The following MACROD2 variants were observed in gnomAD, a reference collection of about 807,000 sequenced individuals.
The protein encoded by MACROD2 is mono-ADP ribosylhydrolase 2.
MACROD2 carries 36 observed loss-of-function variants against 70.4 expected under a neutral mutation model. That is an observed-to-expected ratio of 0.51 (90% CI 0.39 to 0.68). The LOEUF (loss-of-function observed/expected upper bound fraction) is 0.68, where lower values mean the gene tolerates loss of function less well. MACROD2 is among the 30% of genes least tolerant of loss of function. The pLI is 0.00. For missense variants in MACROD2, 496 were observed against 538.4 expected (o/e 0.92, Z 0.78); for synonymous variants, 172 against 178.8 (o/e 0.96, Z 0.30).
At chr20:15,341,307 T>G (rs1302256950) in intron 6 of MACROD2, among the ~76,000 whole-genome samples, 3 of 152,194 alleles carry the variant, frequency 2.0e-5, no homozygotes, top group African/African-American at 7.2e-5. Context: ...CAGACACCAT[T>G]ATCAATTCAT....
intron 13 of MACROD2, among the ~76,000 whole-genome samples, chr20:15,977,837 C>G (rs1266878749): frequency 6.6e-6 from 1 of 151,986 alleles, no homozygotes; most frequent in African/African-American, 2.4e-5. Context: ...ATTTTAAAAG[C>G]TAAAAAGCAA....
chr20:15,844,874 A>G lies in MACROD2; in HGVS notation c.646-17871A>G, dbSNP rs1393244923. ...GCATGCCAGCTGCATATTTTTTTTT[A>G]TCAGAAATATCATGATGAAGAATAG... On this transcript the variant is annotated intron_variant, in intron 8 of 17. Coordinates refer to ENST00000684519, the MANE Select transcript of MACROD2 (RefSeq NM_001351661.2). 3.3e-5 allele frequency among the ~76,000 whole-genome samples: 5 copies of G among 152,082 alleles called. No individual in the cohort carries two copies. The East Asian group carries it at 9.6e-4, about 29-fold the overall frequency.
chr20:14,418,907 T>C (rs1200834397), intron 3 of MACROD2, among the ~76,000 whole-genome samples: 1 of 152,216 alleles, frequency 6.6e-6, no homozygotes, highest in African/African-American at 2.4e-5. Context: ...TTTGTCTCCA[T>C]GTTTCCAAAA....
intron 5 of MACROD2, among the ~76,000 whole-genome samples, chr20:15,205,800 A>G (rs1381490613): frequency 1.3e-5 from 2 of 152,224 alleles, no homozygotes; most frequent in Non-Finnish European, 2.9e-5. Context: ...AAGATATTTT[A>G]TTGGTTTTAA....
chr20:14,918,752 G>C (rs962464106), intron 5 of MACROD2, among the ~76,000 whole-genome samples: 1 of 151,758 alleles, frequency 6.6e-6, no homozygotes, highest in Admixed American at 6.6e-5. Flanking sequence ...TTCACTGAAG[G>C]TCATACTATT....
intron 8 of MACROD2, among the ~76,000 whole-genome samples, chr20:15,794,505 G>A (rs2063654987): frequency 6.6e-6 from 1 of 152,078 alleles, no homozygotes; most frequent in South Asian, 2.1e-4. Flanking sequence ...GGTTCCCAAG[G>A]GAATGAATTC....
intron 8 of MACROD2, among the ~76,000 whole-genome samples, chr20:15,510,885 G>A (rs536654862): frequency 1.3e-5 from 2 of 152,356 alleles, no homozygotes; most frequent in African/African-American, 4.8e-5. Context: ...CGAAGTCCAT[G>A]ACAGAAAGCC....
intron 4 of MACROD2, among the ~76,000 whole-genome samples, chr20:14,513,806 A>G (rs946299791): frequency 1.3e-5 from 2 of 152,044 alleles, no homozygotes; most frequent in Admixed American, 6.6e-5. Context: ...AATAATCTCT[A>G]TCTCCTTTAA....
intron 3 of MACROD2, among the ~76,000 whole-genome samples, chr20:14,143,497 G>A (rs974341655): frequency 1.3e-5 from 2 of 152,002 alleles, no homozygotes; most frequent in Admixed American, 6.6e-5. Context: ...GTTTAATGTG[G>A]AAATGGTTAC....
At chr20:15,135,421 A>G (rs1451159774) in intron 5 of MACROD2, among the ~76,000 whole-genome samples, 4 of 150,506 alleles carry the variant, frequency 2.7e-5, no homozygotes, top group African/African-American at 9.7e-5. Context: ...TACGCAAATC[A>G]ATAAATGTAA....
intron 5 of MACROD2, among the ~76,000 whole-genome samples, chr20:15,181,196 G>A (rs1005412374): frequency 1.3e-5 from 2 of 152,114 alleles, no homozygotes; most frequent in African/African-American, 2.4e-5. Context: ...TTCGATTCAC[G>A]TTTGGCGGTG....
At chr20:15,393,477 T>G (rs1192729994) in intron 6 of MACROD2, among the ~76,000 whole-genome samples, 2 of 152,224 alleles carry the variant, frequency 1.3e-5, no homozygotes, top group Non-Finnish European at 1.5e-5. Context: ...TCATAAATTT[T>G]TCCTTTATTC....
intron 5 of MACROD2, among the ~76,000 whole-genome samples, chr20:14,983,671 G>T (rs1359135286): frequency 2.6e-5 from 4 of 152,088 alleles, no homozygotes; most frequent in Non-Finnish European, 2.9e-5. Flanking sequence ...CCACCAACAT[G>T]GAACTGTAAG....
chr20:14,276,354 A>G (rs953862134), intron 3 of MACROD2, among the ~76,000 whole-genome samples: 4 of 149,454 alleles, frequency 2.7e-5, no homozygotes, highest in South Asian at 2.2e-4. Context: ...GGAAATCATC[A>G]TTCTCAGTAA....
At chr20:14,968,640 TG>T (rs1568903462) in intron 5 of MACROD2, among the ~76,000 whole-genome samples, 1 of 152,312 alleles carries the variant, frequency 6.6e-6, no homozygotes, top group East Asian at 1.9e-4. Flanking sequence ...AAGCACAGAC[TG>T]GGGGGCTCCA....
intron 5 of MACROD2, among the ~76,000 whole-genome samples, chr20:15,018,155 A>G (rs894909652): frequency 8.5e-5 from 13 of 152,176 alleles, no homozygotes; most frequent in Admixed American, 6.5e-4. Flanking sequence ...AATGCATTTA[A>G]TAGCACTCAA....
At chr20:14,342,914 C>A (rs1284181855) in intron 3 of MACROD2, among the ~76,000 whole-genome samples, 1 of 152,028 alleles carries the variant, frequency 6.6e-6, no homozygotes, top group Non-Finnish European at 1.5e-5. Flanking sequence ...CCCTTCTTTT[C>A]CCCAACACTC....
At chr20:15,626,573 G>A (rs1195595868) in intron 8 of MACROD2, among the ~76,000 whole-genome samples, 1 of 152,198 alleles carries the variant, frequency 6.6e-6, no homozygotes, top group Admixed American at 6.5e-5. Context: ...ACTGCAAATG[G>A]GGTGGGCACG....
intron 6 of MACROD2, among the ~76,000 whole-genome samples, chr20:15,412,277 T>A (rs546598424): frequency 6.6e-6 from 1 of 152,048 alleles, no homozygotes; most frequent in African/African-American, 2.4e-5. Flanking sequence ...ATTTTGCATA[T>A]GCATTATTAA....
Sources: gnomAD v4.1 joint callset for allele counts (sites outside exome capture counted in the v4.1 genomes callset) on GRCh38, gnomAD v4.1.1 for gene constraint, MANE v1.5 for transcripts, NCBI Gene and HGNC (gene_info 2026-07-23, HGNC 2026-07-21) for gene names.